The following SPOPL variants were observed in gnomAD, a reference collection of about 807,000 sequenced individuals.
SPOPL encodes speckle type BTB/POZ protein like.
Under a neutral mutation model 53.8 loss-of-function variants are expected in SPOPL, and 23 were observed. The ratio of observed to expected loss-of-function variants is 0.43; its 90% confidence interval spans 0.31 to 0.61. The LOEUF is 0.61. Among genes scored for constraint, SPOPL ranks in the 20% least tolerant of loss-of-function variants. SPOPL has a pLI of 0.12. For synonymous variants in SPOPL, 164 were observed against 149.7 expected (o/e 1.10, Z -0.70); for missense variants, 442 against 466.9 (o/e 0.95, Z 0.49).
intron 1 of SPOPL, among the ~76,000 whole-genome samples, chr2:138,529,649 A>C (rs998832317): frequency 2.6e-5 from 4 of 151,976 alleles, no homozygotes; most frequent in Admixed American, 2.6e-4. Context: ...TATGTTTTCT[A>C]CTTCTAAGTC....
chr2:138,552,989 A>G (rs1685345808), intron 5 of SPOPL, among the ~76,000 whole-genome samples: 1 of 152,044 alleles, frequency 6.6e-6, no homozygotes, highest in South Asian at 2.1e-4. Context: ...TATTTTCTTC[A>G]TTCTGAGTAA....
At chr2:138,544,359 C>T (rs1213782738) in intron 1 of SPOPL, among the ~76,000 whole-genome samples, 1 of 152,214 alleles carries the variant, frequency 6.6e-6, no homozygotes, top group African/African-American at 2.4e-5. Context: ...AACAGGCCTC[C>T]TTGAGCTGCG....
intron 1 of SPOPL, among the ~76,000 whole-genome samples, chr2:138,504,359 C>G (rs1462476220): frequency 6.6e-6 from 1 of 152,130 alleles, no homozygotes; most frequent in Non-Finnish European, 1.5e-5. Flanking sequence ...TAGTTCCTTC[C>G]AACATTTAGT....
In SPOPL at chr2:138,554,051, C is replaced by T. The variant is rs1207257545; in HGVS notation, c.480+1370C>T. On this transcript the variant is annotated intron_variant, in intron 5 of 10. Transcript: ENST00000280098. ...AGCTAAAATAGTTTTAGAAATGAAC[C>T]TTTTTAGAAAATACCTTTTTTTTTT... is the stretch of plus-strand genomic sequence containing the variant. Among the ~76,000 whole-genome samples, 15 of 139,570 alleles carry T rather than the reference C, an allele frequency of 1.1e-4. No individual in the cohort carries two copies. The Admixed American group carries it at 1.2e-3, about 11-fold the overall frequency. The allele number at this position is 139,570 out of a possible 152,430, so 91.6% of individuals were successfully genotyped here. A position where few individuals can be genotyped will look rare whatever the true frequency, so the allele number is the denominator to read the frequency against.
intron 1 of SPOPL, among the ~76,000 whole-genome samples, chr2:138,521,806 C>T (rs144188831): frequency 1.7e-3 from 261 of 152,222 alleles, no homozygotes; most frequent in Middle Eastern, 6.8e-3. Flanking sequence ...AAGAGATTCC[C>T]TAACATTGGA....
chr2:138,572,954 C>T lies in SPOPL; in HGVS notation c.*3874C>T, dbSNP rs184239071. ...AGAGTTTATCATTGTATACTGTAAC[C>T]CAGTAAATTTTGCATTCAGTTTTAA... On this transcript the variant is annotated 3_prime_UTR_variant, in exon 11 of 11. Coordinates refer to ENST00000280098, the MANE Select transcript of SPOPL (RefSeq NM_001001664.3). 6.6e-6 allele frequency: 1 copy of T among 152,026 alleles called. No homozygotes were observed. Among genetic ancestry groups the T allele is most frequent in the Non-Finnish European group, 1.5e-5 (1 of 67,910 alleles). 9.4% of individuals were successfully genotyped at this position (152,026 alleles called of 1,614,324 possible). A position where few individuals can be genotyped will look rare whatever the true frequency, so the allele number is the denominator to read the frequency against.
chr2:138,565,110 G>T (rs1413138408), intron 10 of SPOPL, 117 bp downstream of exon 10: 3 of 1,292,592 alleles, frequency 2.3e-6, no homozygotes, highest in African/African-American at 3.0e-5. Flanking sequence ...GAAGCAAACT[G>T]CCAGTTATTA....
intron 1 of SPOPL, among the ~76,000 whole-genome samples, chr2:138,503,143 T>G (rs1291201142): frequency 1.3e-5 from 2 of 152,210 alleles, no homozygotes; most frequent in African/African-American, 4.8e-5. Flanking sequence ...GGTGGAATAT[T>G]TCAAATTACC....
intron 10 of SPOPL, among the ~76,000 whole-genome samples, chr2:138,568,470 G>C (rs993412895): frequency 6.6e-6 from 1 of 152,160 alleles, no homozygotes; most frequent in Non-Finnish European, 1.5e-5. Context: ...AATGAACCTT[G>C]TGTGGAACCC....
Position 138,559,332 on chromosome 2 carries a change from A to G in SPOPL, c.709A>G (p.Lys237Glu). ...GTTTGAACATGAAATGGAAGAAAGC[A>G]AAAAGGTAAACATGGCTTAAAGGCT... ...AMFEHEMEES[K>E]KNRVEINDLD... Residue 237 changes from lysine to glutamate, a missense_variant, in exon 7 of 11, where the codon AAA (lysine) becomes GAA (glutamate). Transcript: ENST00000280098. 1 of 1,611,288 alleles carries G rather than the reference A, an allele frequency of 6.2e-7. No individual in the cohort carries two copies. Among genetic ancestry groups the G allele is most frequent in the South Asian group, 1.1e-5 (1 of 90,428 alleles).
At chr2:138,515,379 C>T (rs1210283922) in intron 1 of SPOPL, among the ~76,000 whole-genome samples, 1 of 152,110 alleles carries the variant, frequency 6.6e-6, no homozygotes, top group African/African-American at 2.4e-5. Context: ...TGGGGTTTTG[C>T]TACAGTTGAA....
chr2:138,543,212 C>G (rs1305779215), intron 1 of SPOPL, among the ~76,000 whole-genome samples: 3 of 152,064 alleles, frequency 2.0e-5, no homozygotes, highest in Non-Finnish European at 2.9e-5. Flanking sequence ...AGTTATGTGT[C>G]TTGGAGTTGC....
chr2:138,518,601 GAT>G (rs1161300500), intron 1 of SPOPL, among the ~76,000 whole-genome samples: 1 of 152,168 alleles, frequency 6.6e-6, no homozygotes, highest in Non-Finnish European at 1.5e-5. Flanking sequence ...GCCAAATCAA[GAT>G]ATAGATCATT....
chr2:138,525,376 G>A (rs1198458040), intron 1 of SPOPL, among the ~76,000 whole-genome samples: 2 of 152,184 alleles, frequency 1.3e-5, no homozygotes, highest in South Asian at 2.1e-4. Context: ...TGAGATTTGG[G>A]TGGGAACACA....
intron 1 of SPOPL, among the ~76,000 whole-genome samples, chr2:138,524,816 A>G (rs1684634205): frequency 6.6e-6 from 1 of 152,238 alleles, no homozygotes; most frequent in Non-Finnish European, 1.5e-5. Flanking sequence ...CATTTTGGTC[A>G]AAGCCATTCA....
At chr2:138,561,393 G>A (rs1389183485) in intron 8 of SPOPL, among the ~76,000 whole-genome samples, 1 of 151,942 alleles carries the variant, frequency 6.6e-6, no homozygotes, top group Admixed American at 6.6e-5. Flanking sequence ...TTGTAATGAT[G>A]ATTTTTTTGA....
At chr2:138,531,857 A>G (rs771381941) in intron 1 of SPOPL, among the ~76,000 whole-genome samples, 3 of 152,054 alleles carry the variant, frequency 2.0e-5, no homozygotes, top group Non-Finnish European at 4.4e-5. Flanking sequence ...TTTTTATTGA[A>G]TAACTGTCAT....
intron 1 of SPOPL, among the ~76,000 whole-genome samples, chr2:138,536,293 T>A (rs1484098119): frequency 2.6e-5 from 4 of 152,128 alleles, no homozygotes; most frequent in African/African-American, 9.7e-5. Flanking sequence ...CTGTTGCTTC[T>A]TGCTTATTTT....
chr2:138,503,199 T>C (rs1684143685), intron 1 of SPOPL, among the ~76,000 whole-genome samples: 1 of 152,208 alleles, frequency 6.6e-6, no homozygotes, highest in South Asian at 2.1e-4. Context: ...TTAAGAACTC[T>C]TCTCTAGAGC....
Sources: allele counts gnomAD v4.1 joint callset (sites outside exome capture counted in the v4.1 genomes callset), GRCh38; gene constraint gnomAD v4.1.1; transcripts MANE v1.5; gene names NCBI Gene and HGNC (gene_info 2026-07-23, HGNC 2026-07-21).